The following SFTPA2 variants were observed in gnomAD, a reference collection of about 807,000 sequenced individuals.
The protein encoded by SFTPA2 is pulmonary surfactant-associated protein A2.
In SFTPA2, 21 loss-of-function variants were observed where a neutral mutation model predicts 20.3. That is an observed-to-expected ratio of 1.03 (90% CI 0.73 to 1.49). SFTPA2 has a LOEUF of 1.49. SFTPA2 is among the 40% of genes most tolerant of loss of function. The pLI is 0.00. For synonymous variants in SFTPA2, 116 were observed against 118.7 expected (o/e 0.98, Z 0.15); for missense variants, 302 against 314.8 (o/e 0.96, Z 0.31).
At position 79,557,186 on chromosome 10, in the gene SFTPA2, C is replaced by A. The variant is rs748350578; in HGVS notation, c.*23G>T. ...AACTGAAGGCCAGACAGGATCCTCCCTGTCCCATGGCCTAAATGCCTCTCA... is the reference window on the plus strand; with the variant it reads ...AACTGAAGGCCAGACAGGATCCTCCATGTCCCATGGCCTAAATGCCTCTCA... On this transcript the variant is annotated 3_prime_UTR_variant, in exon 6 of 6. Transcript: ENST00000372325. The A allele has an allele frequency of 5.6e-6, 9 of 1,614,074 alleles. No individual in the cohort carries two copies. The highest frequency in any genetic ancestry group is 7.6e-6 in the Non-Finnish European group (9 of 1,180,038).
rs189263488 is a variant in SFTPA2 at position 79,559,769 on chromosome 10, G to A, written c.-24+200C>T. ...AGAGTAAGGAGCTCTGGGGAGCCCA[G>A]GGACCTGGGCTCCAGTGCAGTCTCC... On this transcript the variant is annotated intron_variant, in intron 2 of 5. Transcript: ENST00000372325. 1,125 of 1,511,144 alleles carry A rather than the reference G, an allele frequency of 7.4e-4. 3 individuals are homozygous for A. The African/African-American group carries it at 0.014, about 19-fold the overall frequency. The allele number at this position is 1,511,144 out of a possible 1,614,324, so 93.6% of individuals were successfully genotyped here.
intron 2 of SFTPA2, 156 bp from the exon 3 acceptor site, chr10:79,559,662 C>T: frequency 6.4e-7 from 1 of 1,555,758 alleles, no homozygotes; most frequent in Non-Finnish European, 8.7e-7. Context: ...AAATTCCAAG[C>T]ATCACCTGGC....
chr10:79,558,720 C>T (rs545046977), intron 4 of SFTPA2, among the ~76,000 whole-genome samples, 166 bp downstream of exon 4: 9 of 152,286 alleles, frequency 5.9e-5, no homozygotes, highest in East Asian at 5.8e-4. Flanking sequence ...GACCACACTC[C>T]CCAGACACCT....
Position 79,557,172 on chromosome 10 carries a change from A to T in SFTPA2, c.*37T>A. 1.9e-6 allele frequency: 3 copies of T among 1,614,156 alleles called. No individual in the cohort carries two copies. Among genetic ancestry groups the T allele is most frequent in the Middle Eastern group, 1.7e-4 (1 of 6,056 alleles). ...ATCCTGGGGATGGAAACTGAAGGCC[A>T]GACAGGATCCTCCCTGTCCCATGGC... On this transcript the variant is annotated 3_prime_UTR_variant, in exon 6 of 6. Coordinates refer to ENST00000372325, the MANE Select transcript of SFTPA2 (RefSeq NM_001098668.4).
chr10:79,558,731 C>T (rs991662955), intron 4 of SFTPA2, among the ~76,000 whole-genome samples, 155 bp downstream of exon 4: 2 of 152,164 alleles, frequency 1.3e-5, no homozygotes, highest in African/African-American at 2.4e-5. Context: ...CCAGACACCT[C>T]GGCTTTCTCC....
At chr10:79,559,239 G>A (rs1859026869) in intron 3 of SFTPA2, 73 bp downstream of exon 3, 1 of 1,606,136 alleles carries the variant, frequency 6.2e-7, no homozygotes, top group Non-Finnish European at 8.5e-7. Context: ...CACAGCCTAG[G>A]GGCCTGGACA....
chr10:79,557,319 G>T lies in SFTPA2; in HGVS notation c.637C>A (p.Arg213=), dbSNP rs149750535. 1.2e-6 allele frequency: 2 copies of T among 1,613,446 alleles called. No individual in the cohort carries two copies. ...GTPVNYTNWY[R]GEPAGRGKEQ... ...TTTCCCCGACCTGCAGGCTCCCCTC[G>T]GTACCAGTTGGTGTAGTTTACAGGG... Residue 213 remains arginine, a synonymous_variant, in exon 6 of 6, where the codon CGA becomes AGA. Coordinates refer to ENST00000372325, the MANE Select transcript of SFTPA2 (RefSeq NM_001098668.4).
intron 3 of SFTPA2, 57 bp downstream of exon 3, chr10:79,559,255 G>A (rs915968896): frequency 6.2e-7 from 1 of 1,611,016 alleles, no homozygotes; most frequent in African/African-American, 1.3e-5. Flanking sequence ...GGACAGATGG[G>A]CCTCCTGAAA....
Position 79,556,061 on chromosome 10 carries a change from G to T in SFTPA2, c.*1148C>A. ...ATAAAAAATTGGGTAAACAATACTG[G>T]TCCCGTGACATTGTGTAAAGATTGA... On this transcript the variant is annotated 3_prime_UTR_variant, in exon 6 of 6. Coordinates refer to ENST00000372325, the MANE Select transcript of SFTPA2 (RefSeq NM_001098668.4). 6.2e-6 allele frequency: 1 copy of T among 160,274 alleles called. No homozygotes were observed. 9.9% of individuals were successfully genotyped at this position (160,274 alleles called of 1,614,324 possible). A position where few individuals can be genotyped will look rare whatever the true frequency, so the allele number is the denominator to read the frequency against.
In SFTPA2 at chr10:79,558,938, A is replaced by G. The variant is rs761824824; in HGVS notation, c.240T>C (p.Gly80=). The G allele has an allele frequency of 1.2e-6, 2 of 1,613,900 alleles. No homozygotes were observed. The highest frequency in any genetic ancestry group is 2.7e-5 in the African/African-American group (2 of 74,860). ...CCTTCTCTCCACGCTCTCCAGGGAC[A>G]CCAGGGGCTCCAGGCAGCCCATTAT... is the stretch of plus-strand genomic sequence containing the variant. The part of the protein sequence containing the change: ...PGNNGLPGAP[G]VPGERGEKGE... The change falls in exon 4 of 6, where the codon GGT becomes GGC. Residue 80 remains glycine, a synonymous_variant. Coordinates refer to ENST00000372325, the MANE Select transcript of SFTPA2 (RefSeq NM_001098668.4).
rs1340748531 is a variant in SFTPA2, at chr10:79,557,463, G to A, written c.493C>T (p.Pro165Ser). Residue 165 changes from proline (P) to serine (S), a missense_variant, in exon 6 of 6, where the codon CCA becomes TCA. Pro to Ser is a moderately conservative substitution (Grantham distance 74). Around this residue, in one of 3 missense-constraint regions of SFTPA2, gnomAD observed 264 missense variants for 261.7 expected, o/e 1.01. Coordinates refer to ENST00000372325, the MANE Select transcript of SFTPA2 (RefSeq NM_001098668.4). Reference protein sequence around the residue: ...CARAGGRIAVPRNPEENEAIA... With the variant: ...CARAGGRIAVSRNPEENEAIA... ...GCCTCATTTTCCTCTGGATTCCTTG[G>A]GACAGCAATGCGGCCGCCTGCTCTG... is the stretch of plus-strand genomic sequence containing the variant. 1.2e-6 allele frequency: 2 copies of A among 1,613,524 alleles called. No homozygotes were observed. The highest frequency in any genetic ancestry group is 1.7e-6 in the Non-Finnish European group (2 of 1,179,754).
chr10:79,556,467 C>T lies in SFTPA2; in HGVS notation c.*742G>A. ...AGTGGGGTGCAGATTTGTTCATCAG[C>T]AGAAAGTTACTCGGGTCATGTCTGC... On this transcript the variant is annotated 3_prime_UTR_variant, in exon 6 of 6. Transcript: ENST00000372325. 1 of 156,356 alleles carries T rather than the reference C, an allele frequency of 6.4e-6. No individual in the cohort carries two copies. 9.7% of individuals were successfully genotyped at this position (156,356 alleles called of 1,614,324 possible). A position where few individuals can be genotyped will look rare whatever the true frequency, so the allele number is the denominator to read the frequency against.
At chr10:79,559,745 G>A in intron 2 of SFTPA2, 1 of 1,537,962 alleles carries the variant, frequency 6.5e-7, no homozygotes, top group South Asian at 1.2e-5. Flanking sequence ...GGAGGAGGAA[G>A]AGTAAGGAGC....
Position 79,556,660 on chromosome 10 carries a change from C to T in SFTPA2, c.*549G>A, listed in dbSNP as rs188453084. 1.5e-3 allele frequency: 251 copies of T among 165,608 alleles called. 2 individuals carry two copies. The highest frequency in any genetic ancestry group is 0.012 in the East Asian group (73 of 6,048). 10.3% of individuals were successfully genotyped at this position (165,608 alleles called of 1,614,324 possible). ...CCCTCTGACCACCTGGAGAGCCTGA[C>T]CAGGCCTGCCACAGAGACCTCAGAG... On this transcript the variant is annotated 3_prime_UTR_variant, in exon 6 of 6. Transcript: ENST00000372325.
rs144575180 is a variant in SFTPA2 at position 79,557,361 on chromosome 10, G to A, written c.595C>T (p.Arg199Cys). ...TTTACAGGGGTCCCATCTGAGTAGC[G>A]GAAGTCTCCAGGGCTGGGACCCTCA... Reference protein sequence around the residue: ...LTEGPSPGDFRYSDGTPVNYT... With the variant: ...LTEGPSPGDFCYSDGTPVNYT... The change falls in exon 6 of 6, where the codon CGC becomes TGC. Residue 199 changes from arginine (R) to cysteine (C), a missense_variant. Arg to Cys is a radical substitution (Grantham distance 180). This residue lies in a region of SFTPA2 where 264 missense variants were observed against 261.7 expected (regional missense o/e 1.01). Transcript: ENST00000372325. 3.0e-5 allele frequency: 48 copies of A among 1,614,096 alleles called. No individual in the cohort carries two copies. The African/African-American group carries it at 3.3e-4, about 11-fold the overall frequency.
Position 79,557,301 on chromosome 10 carries a change from G to A in SFTPA2, c.655C>T (p.Arg219Trp), listed in dbSNP as rs183941812. The A allele has an allele frequency of 4.9e-5, 79 of 1,614,042 alleles. 1 individual carries two copies. In the Admixed American group the frequency reaches 8.3e-4, roughly 17 times the overall value. ...ATCTCCACACACTGCTCTTTTCCCC[G>A]ACCTGCAGGCTCCCCTCGGTACCAG... ...TNWYRGEPAG[R>W]GKEQCVEMYT... Residue 219 changes from arginine to tryptophan, a missense_variant, in exon 6 of 6, where the codon CGG becomes TGG. By Grantham distance (101) the Arg-to-Trp change is moderately radical. This residue lies in a region of SFTPA2 where 264 missense variants were observed against 261.7 expected (regional missense o/e 1.01). Transcript: ENST00000372325.
rs777398864 is a variant in SFTPA2 at position 79,557,178 on chromosome 10, G to C, written c.*31C>G. ...GGGATGGAAACTGAAGGCCAGACAG[G>C]ATCCTCCCTGTCCCATGGCCTAAAT... On this transcript the variant is annotated 3_prime_UTR_variant, in exon 6 of 6. Coordinates refer to ENST00000372325, the MANE Select transcript of SFTPA2 (RefSeq NM_001098668.4). The C allele has an allele frequency of 6.2e-7, 1 of 1,613,938 alleles. No individual in the cohort carries two copies. The highest frequency in any genetic ancestry group is 1.3e-5 in the African/African-American group (1 of 74,864).
Position 79,558,928 on chromosome 10 carries a change from C to G in SFTPA2, c.250G>C (p.Glu84Gln). Residue 84 changes from glutamate to glutamine, a missense_variant, in exon 4 of 6, where the codon GAG (glutamate) becomes CAG (glutamine). By Grantham distance (29) the Glu-to-Gln change is conservative. Around this residue, in one of 3 missense-constraint regions of SFTPA2, gnomAD observed 264 missense variants for 261.7 expected, o/e 1.01. Transcript: ENST00000372325. ...GLPGAPGVPG[E>Q]RGEKGEAGER... ...CCAGCCTCCCCCTTCTCTCCACGCT[C>G]TCCAGGGACACCAGGGGCTCCAGGC... 7 of 1,614,142 alleles carry G rather than the reference C, an allele frequency of 4.3e-6. No individual in the cohort carries two copies. The highest frequency in any genetic ancestry group is 5.9e-6 in the Non-Finnish European group (7 of 1,180,020).
At chr10:79,558,823 G>A in intron 4 of SFTPA2, 63 bp downstream of exon 4, 1 of 1,610,480 alleles carries the variant, frequency 6.2e-7, no homozygotes, top group East Asian at 2.2e-5. Flanking sequence ...CATCACCCCT[G>A]TGTAACTGAC....
Sources: gnomAD v4.1 joint callset for allele counts (sites outside exome capture counted in the v4.1 genomes callset) on GRCh38, gnomAD v4.1.1 for gene constraint, gnomAD v4.1.1 regional missense constraint, MANE v1.5 for transcripts, NCBI Gene and HGNC (gene_info 2026-07-23, HGNC 2026-07-21) for gene names.